ATOSA: variants seen among roughly 807,000 people sequenced by gnomAD.
The protein encoded by ATOSA is atos homolog A, also known as atos homolog protein A.
chr15:52,609,866 G>A, the ATOSA span: 2 of 1,613,684 alleles, frequency 1.2e-6, no homozygotes, highest in Non-Finnish European at 1.7e-6. Context: ...CAGAAACTCT[G>A]GCGGTTAGAG....
the ATOSA span, among the ~76,000 whole-genome samples, chr15:52,617,051 T>C: frequency 6.6e-6 from 1 of 152,200 alleles, no homozygotes; most frequent in Non-Finnish European, 1.5e-5. Context: ...AAAAAATTGC[T>C]AGTCTATAAA....
the ATOSA span, among the ~76,000 whole-genome samples, chr15:52,675,893 G>C: frequency 6.7e-6 from 1 of 148,706 alleles, no homozygotes; most frequent in Non-Finnish European, 1.5e-5. Context: ...GCGACAGAGC[G>C]AGACTCCGTC....
the ATOSA span, chr15:52,611,132 G>T: frequency 6.2e-7 from 1 of 1,613,114 alleles, no homozygotes; most frequent in Middle Eastern, 1.7e-4. Context: ...AGACATACCT[G>T]TAGAGAATAT....
the ATOSA span, among the ~76,000 whole-genome samples, chr15:52,650,301 C>A: frequency 0.07 from 10,615 of 152,170 alleles, 611 homozygotes; most frequent in Admixed American, 0.17. Flanking sequence ...CCACCAAGTC[C>A]AAATAATATA....
At chr15:52,660,745 G>A in the ATOSA span, among the ~76,000 whole-genome samples, 46 of 151,958 alleles carry the variant, frequency 3.0e-4, no homozygotes, top group South Asian at 6.3e-4. Flanking sequence ...TCCGCCTCCC[G>A]GGTTCAAGCA....
At chr15:52,664,702 G>T in the ATOSA span, among the ~76,000 whole-genome samples, 2 of 152,142 alleles carry the variant, frequency 1.3e-5, no homozygotes. Context: ...CAGCACTTGG[G>T]GAAGCTGAGG....
At chr15:52,676,154 T>A in the ATOSA span, among the ~76,000 whole-genome samples, 1 of 152,156 alleles carries the variant, frequency 6.6e-6, no homozygotes. Context: ...TGTCTCCACA[T>A]ATCATGATTA....
At chr15:52,704,768 G>C in the ATOSA span, among the ~76,000 whole-genome samples, 2 of 152,092 alleles carry the variant, frequency 1.3e-5, no homozygotes, top group African/African-American at 4.8e-5. Flanking sequence ...GGTCATCACT[G>C]GTCCTCAGAG....
the ATOSA span, among the ~76,000 whole-genome samples, chr15:52,669,353 T>C: frequency 4.9e-4 from 74 of 152,304 alleles, no homozygotes; most frequent in African/African-American, 1.8e-3. Flanking sequence ...CCAAATATGA[T>C]ATAGACCTTT....
At chr15:52,623,610 G>A in the ATOSA span, among the ~76,000 whole-genome samples, 1 of 152,046 alleles carries the variant, frequency 6.6e-6, no homozygotes, top group Non-Finnish European at 1.5e-5. Flanking sequence ...GTTTCCAGGA[G>A]TGCATGGTCA....
the ATOSA span, among the ~76,000 whole-genome samples, chr15:52,699,663 T>A: frequency 1.3e-5 from 2 of 151,990 alleles, no homozygotes; most frequent in African/African-American, 4.8e-5. Context: ...TCTGTGGTGG[T>A]AAACAGGGCC....
chr15:52,609,900 T>C, the ATOSA span: 2 of 1,611,824 alleles, frequency 1.2e-6, no homozygotes, highest in Non-Finnish European at 1.7e-6. Flanking sequence ...CCATTGAAAA[T>C]GATTTTAAAG....
At chr15:52,657,582 A>T in the ATOSA span, 1 of 152,206 alleles carries the variant, frequency 6.6e-6, no homozygotes, top group African/African-American at 2.4e-5. Context: ...AACTTCGGAG[A>T]GAACATACTC....
the ATOSA span, chr15:52,678,186 T>A: frequency 1.2e-6 from 1 of 802,658 alleles, no homozygotes. Context: ...GCAAGTAAAC[T>A]ACTGTTAAGT....
the ATOSA span, among the ~76,000 whole-genome samples, chr15:52,599,237 T>C: frequency 6.6e-6 from 1 of 152,218 alleles, no homozygotes; most frequent in Non-Finnish European, 1.5e-5. Flanking sequence ...AATAATTTCT[T>C]GTAGTACAAA....
chr15:52,621,676 T>TAC, the ATOSA span, among the ~76,000 whole-genome samples: 37 of 152,252 alleles, frequency 2.4e-4, no homozygotes, highest in South Asian at 1.9e-3. Context: ...TTCCCCTGCA[T>TAC]ACACTCTCTC....
At chr15:52,584,959 T>G in the ATOSA span, 1 of 1,562,804 alleles carries the variant, frequency 6.4e-7, no homozygotes, top group Non-Finnish European at 8.7e-7. Flanking sequence ...AGAAACAATA[T>G]AGAAATTATT....
At chr15:52,583,088 G>C in the ATOSA span, among the ~76,000 whole-genome samples, 2 of 152,024 alleles carry the variant, frequency 1.3e-5, no homozygotes, top group African/African-American at 4.8e-5. Context: ...AAACAGACTG[G>C]CTCTGACTGG....
the ATOSA span, among the ~76,000 whole-genome samples, chr15:52,631,537 T>C: frequency 6.6e-6 from 1 of 152,134 alleles, no homozygotes; most frequent in Non-Finnish European, 1.5e-5. Context: ...AGCTGATAAA[T>C]CCAAGTAATA....
Sources: gnomAD v4.1 joint callset for allele counts (sites outside exome capture counted in the v4.1 genomes callset) on GRCh38, gnomAD v4.1.1 for gene constraint, MANE v1.5 for transcripts, NCBI Gene and HGNC (gene_info 2026-07-23, HGNC 2026-07-21) for gene names.